Variants in RELN observed in about 807,000 individuals in gnomAD.
RELN encodes the protein reelin.
A neutral mutation model predicts 427.6 loss-of-function variants in RELN; 108 were observed. That is an observed-to-expected ratio of 0.25 (90% CI 0.22 to 0.30). The LOEUF is 0.30. Among genes scored for constraint, RELN ranks in the 10% least tolerant of loss-of-function variants. The pLI, the probability that RELN is intolerant of heterozygous loss-of-function variation, is 1.00. For missense variants in RELN, 3,715 were observed against 4,302.8 expected (o/e 0.86, Z 3.82); for synonymous variants, 1,524 against 1,513.4 (o/e 1.01, Z -0.16).
chr7:103,700,829 T>A (rs1834074098), intron 9 of RELN, 81 bp downstream of exon 9: 2 of 861,454 alleles, frequency 2.3e-6, no homozygotes, highest in Non-Finnish European at 4.0e-6. Context: ...AAGAAAAAGT[T>A]AGTGGTGGAT....
intron 28 of RELN, among the ~76,000 whole-genome samples, 172 bp from the exon 29 acceptor site, chr7:103,575,877 CTCTTT>C (rs1830988652): frequency 6.6e-6 from 1 of 152,128 alleles, no homozygotes; most frequent in South Asian, 2.1e-4. Flanking sequence ...CTCTCTCTCT[CTCTTT>C]TTTTTCTTTT....
intron 20 of RELN, among the ~76,000 whole-genome samples, chr7:103,625,490 T>C (rs1181674570): frequency 1.3e-5 from 2 of 152,226 alleles, no homozygotes; most frequent in Non-Finnish European, 2.9e-5. Flanking sequence ...TTCAAAAAAG[T>C]TGCTCATTAT....
chr7:103,751,077 T>C lies in RELN; in HGVS notation c.578-1573A>G, dbSNP rs1040431319. On this transcript the variant is annotated intron_variant, in intron 5 of 64. Coordinates refer to ENST00000428762, the MANE Select transcript of RELN (RefSeq NM_005045.4). ...TTATTTCTATTCATGTTGTAAAAAT[T>C]AATTTAGTACTTTAACAATGCTCTC... Among the ~76,000 whole-genome samples the C allele has an allele frequency of 3.3e-5, 5 of 152,318 alleles. No homozygotes were observed. The East Asian group carries it at 9.6e-4, about 29-fold the overall frequency.
intron 55 of RELN, 37 bp from the exon 56 acceptor site, chr7:103,496,805 A>T (rs759432572): frequency 4.1e-5 from 66 of 1,609,844 alleles, no homozygotes; most frequent in Non-Finnish European, 5.6e-5. Flanking sequence ...CAATATATCT[A>T]GAATCTCCTG....
chr7:103,938,990 T>C (rs908496888), intron 1 of RELN, among the ~76,000 whole-genome samples: 1 of 151,876 alleles, frequency 6.6e-6, no homozygotes, highest in East Asian at 1.9e-4. Flanking sequence ...TTGCCCAGGC[T>C]GTATGTAGTC....
chr7:103,641,973 C>T (rs1470857936), intron 16 of RELN, among the ~76,000 whole-genome samples: 1 of 152,046 alleles, frequency 6.6e-6, no homozygotes, highest in Non-Finnish European at 1.5e-5. Flanking sequence ...CATTCCAAGT[C>T]AATGAAAAAA....
At chr7:103,652,262 T>C (rs557938466) in intron 14 of RELN, among the ~76,000 whole-genome samples, 5 of 151,626 alleles carry the variant, frequency 3.3e-5, no homozygotes, top group African/African-American at 1.2e-4. Context: ...TTTTTTTTTT[T>C]TTTCTCTCTT....
At chr7:103,564,896 T>C (rs1290958741) in intron 34 of RELN, among the ~76,000 whole-genome samples, 1 of 152,140 alleles carries the variant, frequency 6.6e-6, no homozygotes, top group Non-Finnish European at 1.5e-5. Flanking sequence ...ACCAACCTTT[T>C]GTTCATACTG....
intron 19 of RELN, 71 bp from the exon 20 acceptor site, chr7:103,630,247 A>G (rs979699196): frequency 5.0e-5 from 52 of 1,029,854 alleles, no homozygotes; most frequent in Admixed American, 1.4e-4. Flanking sequence ...ATAGTGGGAT[A>G]GATTTCCCCT....
At chr7:103,890,811 C>A (rs1360206846) in intron 2 of RELN, among the ~76,000 whole-genome samples, 2 of 152,158 alleles carry the variant, frequency 1.3e-5, no homozygotes, top group African/African-American at 4.8e-5. Context: ...GGCACGATGG[C>A]CCACGCCTGT....
rs74941698 is a variant in RELN, at chr7:103,490,911, G to A, written c.9444-82C>T. ...AATGTCAAGGTAATGCTTTGTGATC[G>A]GGTTAAATTAAAATATTTGTATAGG... On this transcript the variant is annotated intron_variant, in intron 58 of 64. Coordinates refer to ENST00000428762, the MANE Select transcript of RELN (RefSeq NM_005045.4). The A allele has an allele frequency of 1.5e-3, 2,157 of 1,398,784 alleles. 41 individuals carry two copies. In the East Asian group the frequency reaches 0.039, roughly 25 times the overall value. 86.6% of individuals were successfully genotyped at this position (1,398,784 alleles called of 1,614,324 possible). A position where few individuals can be genotyped will look rare whatever the true frequency, so the allele number is the denominator to read the frequency against.
intron 51 of RELN, among the ~76,000 whole-genome samples, chr7:103,505,254 C>T (rs1417302420): frequency 2.0e-5 from 3 of 152,182 alleles, no homozygotes; most frequent in African/African-American, 7.2e-5. Context: ...AAACCCTGAC[C>T]CCTGTGTATC....
intron 2 of RELN, among the ~76,000 whole-genome samples, chr7:103,856,588 AGAAAG>A (rs1412772058): frequency 5.0e-5 from 7 of 140,460 alleles, no homozygotes; most frequent in Admixed American, 1.5e-4. Flanking sequence ...AAAAAAAAAA[AGAAAG>A]AAAGAAAGAA....
intron 10 of RELN, among the ~76,000 whole-genome samples, chr7:103,697,199 T>C (rs1373438387): frequency 1.3e-5 from 2 of 152,150 alleles, no homozygotes; most frequent in African/African-American, 4.8e-5. Flanking sequence ...TGTACCCTTG[T>C]CACTTAATTA....
chr7:103,853,875 C>T (rs1018003972), intron 2 of RELN, among the ~76,000 whole-genome samples: 9 of 151,948 alleles, frequency 5.9e-5, no homozygotes, highest in African/African-American at 1.9e-4. Context: ...TACAAAGTTA[C>T]AGCTAAGTGG....
At chr7:103,802,713 G>A (rs1792499176) in intron 3 of RELN, among the ~76,000 whole-genome samples, 1 of 151,986 alleles carries the variant, frequency 6.6e-6, no homozygotes, top group South Asian at 2.1e-4. Context: ...TCAGAGTACG[G>A]GCTTCATTTA....
chr7:103,871,196 T>C (rs1794325415), intron 2 of RELN, among the ~76,000 whole-genome samples: 1 of 152,132 alleles, frequency 6.6e-6, no homozygotes, highest in Non-Finnish European at 1.5e-5. Flanking sequence ...AGTAATTAAC[T>C]GAAGAATTAA....
At chr7:103,724,862 C>T (rs1341712868) in intron 7 of RELN, among the ~76,000 whole-genome samples, 2 of 150,940 alleles carry the variant, frequency 1.3e-5, no homozygotes, top group Non-Finnish European at 2.9e-5. Flanking sequence ...GATCTATTCA[C>T]CTATATTTAT....
intron 27 of RELN, among the ~76,000 whole-genome samples, chr7:103,590,044 C>G (rs1475403760): frequency 6.6e-6 from 1 of 152,142 alleles, no homozygotes; most frequent in Non-Finnish European, 1.5e-5. Flanking sequence ...AAACTGGACT[C>G]ATTTTGTGGA....
Sources: gnomAD v4.1 joint callset for allele counts (sites outside exome capture counted in the v4.1 genomes callset) on GRCh38, gnomAD v4.1.1 for gene constraint, MANE v1.5 for transcripts, NCBI Gene and HGNC (gene_info 2026-07-23, HGNC 2026-07-21) for gene names.